Variants in SLC26A7 observed in about 807,000 individuals in gnomAD.
SLC26A7 encodes solute carrier family 26 member 7.
SLC26A7 carries 59 observed loss-of-function variants against 82.5 expected under a neutral mutation model. The ratio of observed to expected loss-of-function variants is 0.72; its 90% confidence interval spans 0.58 to 0.89. The LOEUF (loss-of-function observed/expected upper bound fraction) is 0.89. Ranked by LOEUF, SLC26A7 falls within the 40% of genes least tolerant of loss-of-function variation. The pLI, the probability that SLC26A7 is intolerant of heterozygous loss-of-function variation, is 0.00. For missense variants in SLC26A7, 820 were observed against 793.0 expected, an observed-to-expected ratio of 1.03 and a Z score of -0.41; for synonymous variants, 271 against 274.3, an observed-to-expected ratio of 0.99 and a Z score of 0.12.
intron 2 of SLC26A7, among the ~76,000 whole-genome samples, chr8:91,280,703 A>G (rs1288748607): frequency 6.6e-6 from 1 of 152,028 alleles, no homozygotes; most frequent in Admixed American, 6.6e-5. Flanking sequence ...GCATCTGGCA[A>G]TTCCTATTGG....
rs1383935401 is a variant in SLC26A7 at position 91,334,506 on chromosome 8, G to A, written c.795+59G>A. On this transcript the variant is annotated intron_variant, in intron 6 of 18. Transcript: ENST00000276609. ...TGCAAAGCTTTCCAGTTCTTGGGGA[G>A]ATCTGCAGATGCTTACTATATTGTC... 5 of 1,465,768 alleles carry A rather than the reference G, an allele frequency of 3.4e-6. No homozygotes were observed. In the African/African-American group the frequency reaches 7.0e-5, roughly 21 times the overall value. The allele number at this position is 1,465,768 out of a possible 1,614,324, so 90.8% of individuals were successfully genotyped here.
At chr8:91,234,825 C>CTCCTTCCTTCCTTCCTTCCT (rs1267737133) in intron 2 of SLC26A7, among the ~76,000 whole-genome samples, 3 of 86,538 alleles carry the variant, frequency 3.5e-5, no homozygotes, top group African/African-American at 1.4e-4. Flanking sequence ...ACCTACCTAC[C>CTCCTTCCTTCCTTCCTTCCT]TACTTCCTTC....
At position 91,314,186 on chromosome 8, in the gene SLC26A7, C is replaced by T. The variant is rs111508686; in HGVS notation, c.478-4030C>T. 1.4e-3 allele frequency among the ~76,000 whole-genome samples: 217 copies of T among 152,134 alleles called. 2 individuals carry two copies. Among genetic ancestry groups the T allele is most frequent in the African/African-American group, 4.8e-3 (200 of 41,510 alleles). The stretch of plus-strand genomic sequence containing the variant: ...TAGCTAGATTAGAAATGTTATCATC[C>T]GTATTATTGGTAAAAGGAGATGATG... On this transcript the variant is annotated intron_variant, in intron 4 of 18. Coordinates refer to ENST00000276609, the MANE Select transcript of SLC26A7 (RefSeq NM_052832.4).
chr8:91,389,627 T>C (rs1814899194), intron 16 of SLC26A7, among the ~76,000 whole-genome samples, 189 bp downstream of exon 16: 1 of 152,210 alleles, frequency 6.6e-6, no homozygotes, highest in Non-Finnish European at 1.5e-5. Flanking sequence ...ATTCAGCTTC[T>C]AGTTGTATGT....
intron 2 of SLC26A7, among the ~76,000 whole-genome samples, chr8:91,277,899 A>G (rs1586354111): frequency 6.7e-6 from 1 of 149,640 alleles, no homozygotes; most frequent in Admixed American, 6.7e-5. Flanking sequence ...TTTATGTGCT[A>G]CTACCATATA....
At chr8:91,243,734 TA>T (rs902237777) in intron 2 of SLC26A7, among the ~76,000 whole-genome samples, 3 of 151,090 alleles carry the variant, frequency 2.0e-5, no homozygotes, top group Non-Finnish European at 4.4e-5. Context: ...TTAGCCAGAG[TA>T]AAAAAAAATC....
In SLC26A7 at chr8:91,303,500, TTCACTAGAATAATGCCA is replaced by T. The variant is rs543823170; in HGVS notation, c.477+7799_477+7815del. On this transcript the variant is annotated intron_variant, in intron 4 of 18. Coordinates refer to ENST00000276609, the MANE Select transcript of SLC26A7 (RefSeq NM_052832.4). ...GGTGTATTCATTACTGTAGGCTGCC[TTCACTAGAATAATGCCA>T]TTGTAGTGGTTTGAGTATCTTTTAG... Among the ~76,000 whole-genome samples the T allele has an allele frequency of 6.6e-5, 10 of 152,304 alleles. No individual in the cohort carries two copies. In the South Asian group the frequency reaches 2.1e-3, roughly 32 times the overall value.
At chr8:91,224,308 T>C (rs1331865263) in intron 2 of SLC26A7, among the ~76,000 whole-genome samples, 1 of 152,162 alleles carries the variant, frequency 6.6e-6, no homozygotes, top group Admixed American at 6.5e-5. Flanking sequence ...CTCATCTTCA[T>C]GAGTTTGTCT....
intron 5 of SLC26A7, among the ~76,000 whole-genome samples, chr8:91,326,027 C>T (rs1420434635): frequency 1.3e-5 from 2 of 152,170 alleles, no homozygotes; most frequent in African/African-American, 2.4e-5. Context: ...TTGTAATCCT[C>T]ACTGCAGATA....
At chr8:91,311,413 G>A (rs1812482265) in intron 4 of SLC26A7, among the ~76,000 whole-genome samples, 1 of 151,630 alleles carries the variant, frequency 6.6e-6, no homozygotes, top group Non-Finnish European at 1.5e-5. Flanking sequence ...CCTCCTAAAT[G>A]ATTAGTTAGA....
chr8:91,260,283 A>T (rs1457671273), intron 2 of SLC26A7, among the ~76,000 whole-genome samples: 1 of 152,142 alleles, frequency 6.6e-6, no homozygotes, highest in African/African-American at 2.4e-5. Flanking sequence ...TAAAACCATC[A>T]GATCTTGTGA....
At chr8:91,378,845 T>C (rs780187815) in intron 15 of SLC26A7, among the ~76,000 whole-genome samples, 2 of 152,098 alleles carry the variant, frequency 1.3e-5, no homozygotes, top group Non-Finnish European at 2.9e-5. Context: ...AACTACCATA[T>C]ATTTGGAAAT....
At chr8:91,380,170 C>G (rs1055380390) in intron 15 of SLC26A7, among the ~76,000 whole-genome samples, 1 of 152,006 alleles carries the variant, frequency 6.6e-6, no homozygotes, top group Non-Finnish European at 1.5e-5. Context: ...TATAGGGCAA[C>G]AAGAAGTCTC....
At chr8:91,298,518 T>A (rs1812076479) in intron 4 of SLC26A7, among the ~76,000 whole-genome samples, 1 of 152,132 alleles carries the variant, frequency 6.6e-6, no homozygotes. Context: ...CTTGAGGGTA[T>A]TAATACGATC....
rs2130869827 is a variant in SLC26A7 at position 91,362,361 on chromosome 8, G to A, written c.1323G>A (p.Trp441Ter). 1.2e-6 allele frequency: 2 copies of A among 1,609,792 alleles called. No homozygotes were observed. Among genetic ancestry groups the A allele is most frequent in the South Asian group, 1.1e-5 (1 of 90,494 alleles). ...WNVDKIDWGI[W>*]VSTYVFTICF... The stretch of plus-strand genomic sequence containing the variant: ...TCTTGTTTCTCTTTCAGGGAATATG[G>A]GTCAGTACATATGTATTTACAATAT... The change falls in exon 12 of 19, where the codon TGG becomes TGA. Residue 441 changes from tryptophan to a stop codon, truncating the protein, a stop_gained. Transcript: ENST00000276609. LOFTEE classifies it high-confidence loss of function.
intron 2 of SLC26A7, among the ~76,000 whole-genome samples, chr8:91,239,808 CTG>C (rs1246160228): frequency 6.6e-6 from 1 of 152,096 alleles, no homozygotes; most frequent in African/African-American, 2.4e-5. Flanking sequence ...GGACTACAAA[CTG>C]GGTAAGATTG....
chr8:91,282,306 G>A (rs1811595302), intron 2 of SLC26A7, among the ~76,000 whole-genome samples: 1 of 152,156 alleles, frequency 6.6e-6, no homozygotes, highest in South Asian at 2.1e-4. Context: ...AGGCTTCTCT[G>A]ACTACGGAAT....
intron 1 of SLC26A7, among the ~76,000 whole-genome samples, chr8:91,213,354 A>C (rs1809971725): frequency 6.6e-6 from 1 of 152,316 alleles, no homozygotes. Flanking sequence ...CTGTAAAAAC[A>C]ACAGGAAACC....
Position 91,300,322 on chromosome 8 carries a change from G to A in SLC26A7, c.477+4619G>A, listed in dbSNP as rs182173991. Among the ~76,000 whole-genome samples, 61 of 151,784 alleles carry A rather than the reference G, an allele frequency of 4.0e-4. 1 individual carries two copies. Among genetic ancestry groups the A allele is most frequent in the African/African-American group, 1.4e-3 (58 of 41,418 alleles). ...GTCTTTGAAAGCTATTGATTTTTGC[G>A]TGTTAATTTTGAATCCTGATATCTT... On this transcript the variant is annotated intron_variant, in intron 4 of 18. Coordinates refer to ENST00000276609, the MANE Select transcript of SLC26A7 (RefSeq NM_052832.4).
Sources: gnomAD v4.1 joint callset for allele counts (sites outside exome capture counted in the v4.1 genomes callset) on GRCh38, gnomAD v4.1.1 for gene constraint, MANE v1.5 for transcripts, NCBI Gene and HGNC (gene_info 2026-07-23, HGNC 2026-07-21) for gene names.